Variants in BAZ2B observed in about 807,000 individuals in gnomAD.
The protein encoded by BAZ2B is bromodomain adjacent to zinc finger domain 2B, also known as bromodomain adjacent to zinc finger domain protein 2B.
In BAZ2B, 91 loss-of-function variants were observed where a neutral mutation model predicts 246.0. The ratio of observed to expected loss-of-function variants is 0.37; its 90% CI spans 0.31 to 0.44. The LOEUF is 0.44. Among genes scored for constraint, BAZ2B ranks in the 20% least tolerant of loss-of-function variants. The pLI is 1.00. For synonymous variants in BAZ2B, 855 were observed against 860.0 expected, an observed-to-expected ratio of 0.99 and a Z score of 0.10; for missense variants, 2,332 against 2,533.7, an observed-to-expected ratio of 0.92 and a Z score of 1.71.
chr2:159,349,950 T>C lies in BAZ2B; in HGVS notation c.4621A>G (p.Ser1541Gly), dbSNP rs760888026. The C allele has an allele frequency of 1.5e-5, 24 of 1,614,080 alleles. No homozygotes were observed. The highest frequency in any genetic ancestry group is 1.7e-5 in the Non-Finnish European group (20 of 1,180,022). ...AGTAACTGGTCATTGGGGAGAGGAC[T>C]GTAGAACTTCCCTGGACCACTTGAA... ...TGSSGPGKFY[S>G]PLPNDQLLKT... is the part of the protein sequence containing the mutation. The change falls in exon 28 of 37, where the codon AGT becomes GGT. Residue 1541 changes from serine to glycine, a missense_variant. Transcript: ENST00000392783.
At chr2:159,322,345 G>A (rs148676007) in intron 36 of BAZ2B, among the ~76,000 whole-genome samples, 10 of 152,136 alleles carry the variant, frequency 6.6e-5, no homozygotes, top group East Asian at 1.9e-4. Flanking sequence ...CTGTATTATC[G>A]TCACTTCTAA....
chr2:159,359,185 A>T (rs561841612), intron 27 of BAZ2B, among the ~76,000 whole-genome samples: 2 of 152,322 alleles, frequency 1.3e-5, no homozygotes, highest in East Asian at 3.9e-4. Context: ...TTTTGAAAAG[A>T]TCAACAAAAT....
chr2:159,431,213 A>T lies in BAZ2B; in HGVS notation c.1901-57T>A, dbSNP rs146971292. On this transcript the variant is annotated intron_variant, in intron 9 of 36. Transcript: ENST00000392783. Reference sequence around the variant, plus strand: ...AACTAGATAATCACCAATAATTTGCAGTTTGTATCTAAATGGACTAGCTCA... The same window carrying T: ...AACTAGATAATCACCAATAATTTGCTGTTTGTATCTAAATGGACTAGCTCA... 21 of 1,530,528 alleles carry T rather than the reference A, an allele frequency of 1.4e-5. No homozygotes were observed. In the African/African-American group the frequency reaches 2.6e-4, roughly 19 times the overall value. 94.8% of individuals were successfully genotyped at this position (1,530,528 alleles called of 1,614,324 possible). A position where few individuals can be genotyped will look rare whatever the true frequency, so the allele number is the denominator to read the frequency against.
chr2:159,512,400 T>C (rs996174034), intron 2 of BAZ2B, among the ~76,000 whole-genome samples: 1 of 152,176 alleles, frequency 6.6e-6, no homozygotes, highest in African/African-American at 2.4e-5. Flanking sequence ...CCTACTGAAG[T>C]TGAACCACTT....
chr2:159,698,649 C>T, the BAZ2B span, among the ~76,000 whole-genome samples: 2 of 151,906 alleles, frequency 1.3e-5, no homozygotes, highest in African/African-American at 2.4e-5. Context: ...TGGACTACTG[C>T]TACTTCATAT....
intron 2 of BAZ2B, among the ~76,000 whole-genome samples, chr2:159,551,442 C>T (rs2088220157): frequency 7.3e-6 from 1 of 136,508 alleles, no homozygotes; most frequent in Non-Finnish European, 1.5e-5. Flanking sequence ...GCACTCCAGC[C>T]TGGGTGACAG....
At chr2:159,491,594 G>A (rs2080475561) in intron 2 of BAZ2B, among the ~76,000 whole-genome samples, 1 of 148,204 alleles carries the variant, frequency 6.7e-6, no homozygotes, top group Admixed American at 6.7e-5. Flanking sequence ...AGTGGCGGGC[G>A]CCTGTAGTCC....
At chr2:159,605,360 C>T (rs1162574361) in intron 1 of BAZ2B, among the ~76,000 whole-genome samples, 1 of 152,002 alleles carries the variant, frequency 6.6e-6, no homozygotes, top group Non-Finnish European at 1.5e-5. Flanking sequence ...TATTTATTTC[C>T]ATGGGTAGCT....
At chr2:159,373,494 C>T (rs2061073405) in intron 26 of BAZ2B, among the ~76,000 whole-genome samples, 1 of 152,162 alleles carries the variant, frequency 6.6e-6, no homozygotes, top group Admixed American at 6.5e-5. Context: ...CCAAAGCAAA[C>T]TGGTTCAATT....
At chr2:159,582,707 C>A (rs368828689) in intron 1 of BAZ2B, among the ~76,000 whole-genome samples, 1 of 152,048 alleles carries the variant, frequency 6.6e-6, no homozygotes, top group Non-Finnish European at 1.5e-5. Flanking sequence ...TAAAATAAAT[C>A]TTTTCACAAC....
At chr2:159,382,430 A>G in intron 25 of BAZ2B, 129 bp downstream of exon 25, 6 of 987,306 alleles carry the variant, frequency 6.1e-6, no homozygotes, top group Non-Finnish European at 8.7e-6. Context: ...TTTGTTTTTC[A>G]GATGAGGAAA....
chr2:159,411,843 T>C (rs1182644304), intron 14 of BAZ2B: 2 of 605,416 alleles, frequency 3.3e-6, no homozygotes, highest in Non-Finnish European at 4.1e-6. Flanking sequence ...TTTGTTATTC[T>C]GAAAATATAT....
At chr2:159,562,870 A>G (rs1196988647) in intron 1 of BAZ2B, among the ~76,000 whole-genome samples, 3 of 152,168 alleles carry the variant, frequency 2.0e-5, no homozygotes. Context: ...CCCTCGCAAG[A>G]TTGCTTTTTT....
chr2:159,393,970 T>C (rs2063661068), intron 20 of BAZ2B, among the ~76,000 whole-genome samples: 1 of 152,082 alleles, frequency 6.6e-6, no homozygotes, highest in Non-Finnish European at 1.5e-5. Flanking sequence ...ACCTGGGCAT[T>C]CCCCCTCTCA....
At chr2:159,368,389 A>T (rs1240161644) in intron 27 of BAZ2B, among the ~76,000 whole-genome samples, 2 of 152,192 alleles carry the variant, frequency 1.3e-5, no homozygotes, top group African/African-American at 2.4e-5. Context: ...TACAAGGCAC[A>T]ATACAGGTGT....
intron 3 of BAZ2B, among the ~76,000 whole-genome samples, chr2:159,476,148 C>T (rs531669508): frequency 1.3e-5 from 2 of 152,136 alleles, no homozygotes; most frequent in Non-Finnish European, 2.9e-5. Flanking sequence ...CACAGCCGCA[C>T]ATTCCCCCAG....
At chr2:159,347,399 A>C (rs1395738968) in intron 31 of BAZ2B, 87 bp downstream of exon 31, 32 of 1,363,122 alleles carry the variant, frequency 2.3e-5, no homozygotes, top group Non-Finnish European at 3.3e-5. Context: ...AACATTTAGC[A>C]CATTAACTAG....
At chr2:159,415,315 T>G (rs972082647) in intron 13 of BAZ2B, among the ~76,000 whole-genome samples, 5 of 151,680 alleles carry the variant, frequency 3.3e-5, no homozygotes, top group Non-Finnish European at 5.9e-5. Context: ...CGTGGTGGTG[T>G]GCACCTGTAG....
At position 159,495,801 on chromosome 2, in the gene BAZ2B, G is replaced by A. The variant is rs948500744; in HGVS notation, c.-2-17080C>T. Among the ~76,000 whole-genome samples the A allele has an allele frequency of 1.0e-4, 15 of 147,614 alleles. 1 individual carries two copies. The highest frequency in any genetic ancestry group is 8.7e-4 in the Admixed American group (13 of 14,872). On this transcript the variant is annotated intron_variant, in intron 2 of 36. Transcript: ENST00000392783. ...TTTTTTTTTTTTGAGACAGAGTCTC[G>A]CTCTGTTGCCCAGGCTGCAGTGCAG... is the stretch of plus-strand genomic sequence containing the variant.
Sources: gnomAD v4.1 joint callset for allele counts (sites outside exome capture counted in the v4.1 genomes callset) on GRCh38, gnomAD v4.1.1 for gene constraint, MANE v1.5 for transcripts, NCBI Gene and HGNC (gene_info 2026-07-23, HGNC 2026-07-21) for gene names.